Variants in RALGAPA1 observed in about 807,000 individuals in gnomAD.
The protein encoded by RALGAPA1 is ral GTPase-activating protein subunit alpha-1.
A neutral mutation model predicts 269.6 loss-of-function variants in RALGAPA1; 52 were observed. The ratio of observed to expected loss-of-function variants is 0.19; its 90% confidence interval spans 0.15 to 0.24. RALGAPA1 has a LOEUF of 0.24. Ranked by LOEUF, RALGAPA1 falls within the 10% of genes least tolerant of loss-of-function variation. RALGAPA1 has a pLI of 1.00. For missense variants in RALGAPA1, 1,917 were observed against 3,013.9 expected, an observed-to-expected ratio of 0.64 and a Z score of 8.52; for synonymous variants, 817 against 1,008.3, an observed-to-expected ratio of 0.81 and a Z score of 3.60.
chr14:35,709,279 T>A, intron 16 of RALGAPA1, among the ~76,000 whole-genome samples: 1 of 152,126 alleles, frequency 6.6e-6, no homozygotes, highest in East Asian at 1.9e-4. Context: ...AATACCCCAT[T>A]TACACTGATG....
At chr14:35,789,562 A>C (rs193104270) in intron 1 of RALGAPA1, among the ~76,000 whole-genome samples, 77 of 152,176 alleles carry the variant, frequency 5.1e-4, no homozygotes, top group African/African-American at 1.8e-3. Context: ...ACTGCACTGC[A>C]GCCTGGGTGA....
intron 21 of RALGAPA1, among the ~76,000 whole-genome samples, chr14:35,680,306 C>T (rs1256826099): frequency 6.6e-6 from 1 of 152,146 alleles, no homozygotes; most frequent in Non-Finnish European, 1.5e-5. Flanking sequence ...CTCCTGGGTT[C>T]AAGCAATTCT....
intron 16 of RALGAPA1, among the ~76,000 whole-genome samples, chr14:35,702,011 A>G (rs2067395968): frequency 6.6e-6 from 1 of 152,152 alleles, no homozygotes; most frequent in African/African-American, 2.4e-5. Flanking sequence ...ATAAACAAAA[A>G]CAAACAAGAA....
At chr14:35,714,334 T>A (rs1388718438) in intron 16 of RALGAPA1, among the ~76,000 whole-genome samples, 1 of 152,130 alleles carries the variant, frequency 6.6e-6, no homozygotes, top group Non-Finnish European at 1.5e-5. Flanking sequence ...TCCTAGTGGG[T>A]GGGTGTAATG....
chr14:35,544,082 G>A (rs1489696764), intron 41 of RALGAPA1, among the ~76,000 whole-genome samples: 2 of 152,202 alleles, frequency 1.3e-5, no homozygotes, highest in Admixed American at 6.5e-5. Context: ...TCCTTACAAA[G>A]GAAAAAATTG....
intron 36 of RALGAPA1, among the ~76,000 whole-genome samples, chr14:35,598,209 T>G (rs755859401): frequency 1.3e-5 from 2 of 152,118 alleles, no homozygotes; most frequent in African/African-American, 2.4e-5. Context: ...TTGGTGCACA[T>G]GTATTTAGCA....
intron 36 of RALGAPA1, among the ~76,000 whole-genome samples, chr14:35,600,232 C>CTTTTCTT (rs768432859): frequency 9.2e-5 from 8 of 86,938 alleles, no homozygotes; most frequent in East Asian, 6.2e-4. Context: ...TTCTTTTTTT[C>CTTTTCTT]TTTTTTTTTT....
chr14:35,805,397 G>A (rs1310860241), intron 1 of RALGAPA1, among the ~76,000 whole-genome samples: 6 of 150,328 alleles, frequency 4.0e-5, no homozygotes, highest in South Asian at 2.1e-4. Flanking sequence ...AGCCGAGATC[G>A]CGCCACTGCA....
At chr14:35,571,324 G>A (rs947577228) in intron 38 of RALGAPA1, among the ~76,000 whole-genome samples, 1 of 151,972 alleles carries the variant, frequency 6.6e-6, no homozygotes, top group Non-Finnish European at 1.5e-5. Flanking sequence ...TGGATAAGAT[G>A]GTAAATATTT....
At chr14:35,582,221 G>A (rs554032180) in intron 37 of RALGAPA1, among the ~76,000 whole-genome samples, 1 of 152,236 alleles carries the variant, frequency 6.6e-6, no homozygotes, top group South Asian at 2.1e-4. Flanking sequence ...AGTGGAAGGA[G>A]GAATGGGGAA....
chr14:35,801,120 C>A (rs1260053841), intron 1 of RALGAPA1, among the ~76,000 whole-genome samples: 1 of 146,946 alleles, frequency 6.8e-6, no homozygotes, highest in Non-Finnish European at 1.5e-5. Context: ...AAAGATAGTT[C>A]TTTTAGAAGA....
chr14:35,625,212 T>C (rs2060921624), intron 35 of RALGAPA1, 149 bp downstream of exon 35: 2 of 393,298 alleles, frequency 5.1e-6, no homozygotes, highest in Non-Finnish European at 9.0e-6. Flanking sequence ...TTCTATGCAG[T>C]CCTAAATTTT....
intron 35 of RALGAPA1, among the ~76,000 whole-genome samples, chr14:35,624,125 A>T (rs1368651510): frequency 7.1e-6 from 1 of 140,770 alleles, no homozygotes; most frequent in African/African-American, 2.7e-5. Context: ...TATCTAAATG[A>T]CTGAGGAAAT....
chr14:35,629,786 A>C (rs2061234485), intron 33 of RALGAPA1, among the ~76,000 whole-genome samples: 1 of 152,254 alleles, frequency 6.6e-6, no homozygotes, highest in Non-Finnish European at 1.5e-5. Flanking sequence ...GGCGTGAGCC[A>C]CTGTGCTGAG....
At chr14:35,687,756 T>G (rs913415306) in intron 18 of RALGAPA1, among the ~76,000 whole-genome samples, 1 of 152,194 alleles carries the variant, frequency 6.6e-6, no homozygotes, top group Non-Finnish European at 1.5e-5. Context: ...TGTGAAACCT[T>G]TATGCACATT....
Position 35,634,713 on chromosome 14 carries a change from T to C in RALGAPA1, c.5856A>G (p.Pro1952=), listed in dbSNP as rs1220541215. ...CVYGAQCFSN[P]RYFPMSLSDL... is the part of the protein sequence containing the mutation. ...CAGAGAGGCTCATGGGAAAATACCTTGGATTGCTAAAACACTGAGCTCCAT... is the reference window on the plus strand; with the variant it reads ...CAGAGAGGCTCATGGGAAAATACCTCGGATTGCTAAAACACTGAGCTCCAT... Residue 1952 remains proline, a synonymous_variant, in exon 33 of 42, where the codon CCA becomes CCG. Transcript: ENST00000680220. 2 of 1,612,758 alleles carry C rather than the reference T, an allele frequency of 1.2e-6. No homozygotes were observed. The highest frequency in any genetic ancestry group is 1.7e-6 in the Non-Finnish European group (2 of 1,179,204).
intron 3 of RALGAPA1, among the ~76,000 whole-genome samples, chr14:35,772,219 A>AT (rs888772228): frequency 1.3e-5 from 2 of 151,796 alleles, no homozygotes; most frequent in Non-Finnish European, 1.5e-5. Context: ...GCCCAGCTAA[A>AT]TTTTTTTTAC....
chr14:35,705,619 T>G (rs1378842301), intron 16 of RALGAPA1, among the ~76,000 whole-genome samples: 1 of 152,206 alleles, frequency 6.6e-6, no homozygotes, highest in Non-Finnish European at 1.5e-5. Flanking sequence ...AAAGCTGCTA[T>G]AAATATTCAT....
chr14:35,714,857 G>A (rs1186508826), intron 16 of RALGAPA1, among the ~76,000 whole-genome samples: 1 of 152,156 alleles, frequency 6.6e-6, no homozygotes, highest in East Asian at 1.9e-4. Flanking sequence ...AGTTTGGTCA[G>A]TACACAATTC....
Sources: allele counts gnomAD v4.1 joint callset (sites outside exome capture counted in the v4.1 genomes callset), GRCh38; gene constraint gnomAD v4.1.1; transcripts MANE v1.5; gene names NCBI Gene and HGNC (gene_info 2026-07-23, HGNC 2026-07-21).